The following CBLL1 variants were observed in gnomAD, a reference collection of about 807,000 sequenced individuals.
CBLL1 encodes E3 ubiquitin-protein ligase Hakai.
In CBLL1, 4 loss-of-function variants were observed where a neutral mutation model predicts 44.9. That is an observed-to-expected ratio of 0.09 (90% CI 0.04 to 0.20). CBLL1 has a LOEUF of 0.20. CBLL1 is among the 10% of genes least tolerant of loss of function. CBLL1 has a pLI of 1.00. For synonymous variants in CBLL1, 235 were observed against 202.2 expected, an observed-to-expected ratio of 1.16 and a Z score of -1.38; for missense variants, 569 against 636.7, an observed-to-expected ratio of 0.89 and a Z score of 1.14.
intron 4 of CBLL1, among the ~76,000 whole-genome samples, chr7:107,754,771 T>G (rs1371942111): frequency 6.6e-6 from 1 of 152,050 alleles, no homozygotes; most frequent in African/African-American, 2.4e-5. Context: ...TGGAATAGTT[T>G]CAGGAGAAAC....
chr7:107,761,337 A>T lies in CBLL1; in HGVS notation c.*2159A>T, dbSNP rs754666959. ...ACCCTTGTAGAGTTTTTAAAAAATG[A>T]TTTATTTTCAATTAGGTTTAAGAAA... On this transcript the variant is annotated 3_prime_UTR_variant, in exon 6 of 6. Coordinates refer to ENST00000440859, the MANE Select transcript of CBLL1 (RefSeq NM_024814.4). The T allele has an allele frequency of 1.3e-5, 2 of 152,304 alleles. No homozygotes were observed. The highest frequency in any genetic ancestry group is 1.9e-4 in the East Asian group (1 of 5,326). The allele number at this position is 152,304 out of a possible 1,614,324, so 9.4% of individuals were successfully genotyped here.
chr7:107,758,659 T>A lies in CBLL1; in HGVS notation c.957T>A (p.His319Gln). The A allele has an allele frequency of 3.7e-6, 6 of 1,613,942 alleles. No individual in the cohort carries two copies. Among genetic ancestry groups the A allele is most frequent in the Middle Eastern group, 1.7e-4 (1 of 6,060 alleles). ...CTGCCCCAGCACCTGCTCACCATCA[T>A]CCTGAATATCAGGGTCAACCAGTGG... ...PPPAPAPAHH[H>Q]PEYQGQPVVS... Residue 319 changes from histidine (H) to glutamine (Q), a missense_variant, in exon 6 of 6, where the codon CAT (histidine) becomes CAA (glutamine). Coordinates refer to ENST00000440859, the MANE Select transcript of CBLL1 (RefSeq NM_024814.4). This position sits in a 1 kb window ranked among gnomAD's most constrained non-coding sequence, Gnocchi z 4.2.
chr7:107,759,366 C>T lies in CBLL1; in HGVS notation c.*188C>T. On this transcript the variant is annotated 3_prime_UTR_variant, in exon 6 of 6. Transcript: ENST00000440859. ...TGATTTCAAGTACCATACTGTAGTA[C>T]AGATAAGTGGCTCAGTTGAGCACAG... 3 of 526,104 alleles carry T rather than the reference C, an allele frequency of 5.7e-6. No individual in the cohort carries two copies. Among genetic ancestry groups the T allele is most frequent in the Middle Eastern group, 4.9e-4 (1 of 2,036 alleles). The allele number at this position is 526,104 out of a possible 1,614,324, so 32.6% of individuals were successfully genotyped here.
Position 107,759,065 on chromosome 7 carries a change from C to G in CBLL1, c.1363C>G (p.Pro455Ala), listed in dbSNP as rs770645015. 2 of 1,613,836 alleles carry G rather than the reference C, an allele frequency of 1.2e-6. No individual in the cohort carries two copies. The highest frequency in any genetic ancestry group is 1.7e-6 in the Non-Finnish European group (2 of 1,179,976). The change falls in exon 6 of 6, where the codon CCT becomes GCT. Residue 455 changes from proline to alanine, a missense_variant. Transcript: ENST00000440859. ...AGGGGGAATGAGTCCTGGTATATGG[C>G]CTGCACCAAGAGGGCCACCACCACC... ...QPGGMSPGIW[P>A]APRGPPPPPR... is the part of the protein sequence containing the mutation.
chr7:107,753,552 A>G (rs1417584389), intron 3 of CBLL1, 41 bp downstream of exon 3: 6 of 1,142,938 alleles, frequency 5.2e-6, no homozygotes, highest in Non-Finnish European at 7.4e-6. Flanking sequence ...ACAATAAAAT[A>G]TTTTAAGTAT....
At chr7:107,749,720 A>T (rs983710632) in intron 2 of CBLL1, among the ~76,000 whole-genome samples, 4 of 151,994 alleles carry the variant, frequency 2.6e-5, no homozygotes, top group Non-Finnish European at 5.9e-5. Context: ...TAAAAAAATA[A>T]TAATAAAAAG....
rs767799242 is a variant in CBLL1 at position 107,758,121 on chromosome 7, A to G, written c.441-22A>G. The G allele has an allele frequency of 2.6e-6, 4 of 1,540,788 alleles. No individual in the cohort carries two copies. Among genetic ancestry groups the G allele is most frequent in the African/African-American group, 2.8e-5 (2 of 71,930 alleles). On this transcript the variant is annotated intron_variant, in intron 5 of 5. Coordinates refer to ENST00000440859, the MANE Select transcript of CBLL1 (RefSeq NM_024814.4). The surrounding 1 kb of genome is among the most constrained non-coding windows in gnomAD (Gnocchi z 4.2). ...TTTGTATTCTCTTTTAGTAAATCACATTTCTTTCCCTTCTAATTTAGCTGT... is the reference window on the plus strand; with the variant it reads ...TTTGTATTCTCTTTTAGTAAATCACGTTTCTTTCCCTTCTAATTTAGCTGT...
chr7:107,752,593 A>G, intron 2 of CBLL1: 2 of 1,288,860 alleles, frequency 1.6e-6, no homozygotes, highest in Non-Finnish European at 2.0e-6. Context: ...GGAGGGATAT[A>G]TTTGTCTGCT....
intron 2 of CBLL1, among the ~76,000 whole-genome samples, chr7:107,751,938 G>A (rs370235416): frequency 1.3e-5 from 2 of 152,114 alleles, no homozygotes; most frequent in African/African-American, 4.8e-5. Context: ...GGTGGCTCAC[G>A]CCTGTTTTCC....
chr7:107,757,498 C>G (rs192221430), intron 5 of CBLL1, among the ~76,000 whole-genome samples: 2 of 152,230 alleles, frequency 1.3e-5, no homozygotes, highest in East Asian at 3.9e-4. Context: ...AATTTTGACC[C>G]TGAGTTTTTA....
At chr7:107,747,329 G>A (rs986004808) in intron 1 of CBLL1, among the ~76,000 whole-genome samples, 1 of 152,084 alleles carries the variant, frequency 6.6e-6, no homozygotes, top group Non-Finnish European at 1.5e-5. Context: ...TATTCACAAA[G>A]GTAAAACGAT....
chr7:107,744,384 C>G, intron 1 of CBLL1: 1 of 546,826 alleles, frequency 1.8e-6, no homozygotes, highest in South Asian at 2.9e-5. Context: ...TCCTCCGTGC[C>G]GGCAACAACC....
chr7:107,755,491 G>T lies in CBLL1; in HGVS notation c.440G>T (p.Gly147Val). Residue 147 changes from glycine to valine, a missense_variant and splice_region_variant, in exon 5 of 6, where the codon GGC (glycine) becomes GTC (valine). Transcript: ENST00000440859. ...HEKKGDKMCP[G>V]CSDPVQRIEQ... ...AAAAAGGGAGATAAGATGTGTCCAG[G>T]GTAAGATAAGATTATCATTACCTTT... 6.6e-7 allele frequency: 1 copy of T among 1,520,932 alleles called. No homozygotes were observed. The highest frequency in any genetic ancestry group is 8.9e-7 in the Non-Finnish European group (1 of 1,118,512). The allele number at this position is 1,520,932 out of a possible 1,614,324, so 94.2% of individuals were successfully genotyped here.
rs1021475494 is a variant in CBLL1 at position 107,758,050 on chromosome 7, C to T, written c.441-93C>T. The T allele has an allele frequency of 9.7e-6, 11 of 1,130,722 alleles. No individual in the cohort carries two copies. Among genetic ancestry groups the T allele is most frequent in the Non-Finnish European group, 1.4e-5 (11 of 808,738 alleles). 70.0% of individuals were successfully genotyped at this position (1,130,722 alleles called of 1,614,324 possible). On this transcript the variant is annotated intron_variant, in intron 5 of 5. Coordinates refer to ENST00000440859, the MANE Select transcript of CBLL1 (RefSeq NM_024814.4). This position sits in a 1 kb window ranked among gnomAD's most constrained non-coding sequence, Gnocchi z 4.2. ...TGGACTTTTGCTATGTTTTATGTAA[C>T]AGTCAAATTTTAAAAACAAGCATAT...
Position 107,759,208 on chromosome 7 carries a change from G to T in CBLL1, c.*30G>T. 1 of 1,533,978 alleles carries T rather than the reference G, an allele frequency of 6.5e-7. No individual in the cohort carries two copies. On this transcript the variant is annotated 3_prime_UTR_variant, in exon 6 of 6. Transcript: ENST00000440859. ...AGTATTTTGAATGGAAGATATGAGG[G>T]GGAAAAAAACTTATGTGTAGTCAAT...
intron 1 of CBLL1, among the ~76,000 whole-genome samples, chr7:107,746,444 A>G (rs972553875): frequency 3.3e-5 from 5 of 152,214 alleles, no homozygotes; most frequent in African/African-American, 9.7e-5. Flanking sequence ...TTTGATGTTT[A>G]GTATCAGAAG....
rs1793425792 is a variant in CBLL1, at chr7:107,754,064, A to G, written c.366+86A>G. The G allele has an allele frequency of 3.9e-6, 3 of 764,720 alleles. No individual in the cohort carries two copies. The South Asian group carries it at 8.4e-5, about 21-fold the overall frequency. The allele number at this position is 764,720 out of a possible 1,614,324, so 47.4% of individuals were successfully genotyped here. A position where few individuals can be genotyped will look rare whatever the true frequency, so the allele number is the denominator to read the frequency against. ...ATTTAGATAGGTTTATCATTGTTTA[A>G]TGACTAAGTTTGCAAAATTTTAAAT... On this transcript the variant is annotated intron_variant, in intron 4 of 5. Transcript: ENST00000440859.
chr7:107,753,454 G>GGGT lies in CBLL1; in HGVS notation c.227_229dup (p.Gly76dup). The GGGT allele has an allele frequency of 6.3e-7, 1 of 1,591,968 alleles. No homozygotes were observed. The highest frequency in any genetic ancestry group is 8.5e-7 in the Non-Finnish European group (1 of 1,171,840). ...AAGAAGAACGGTATGACTGTAAAGG[G>GGGT]GGTGAGCTGTTTGCAAATCAGCGAA... On this transcript the variant is annotated inframe_insertion, in exon 3 of 6. Coordinates refer to ENST00000440859, the MANE Select transcript of CBLL1 (RefSeq NM_024814.4).
chr7:107,756,167 G>A (rs1337365779), intron 5 of CBLL1, among the ~76,000 whole-genome samples: 2 of 152,120 alleles, frequency 1.3e-5, no homozygotes, highest in African/African-American at 2.4e-5. Context: ...GTTCAGAATC[G>A]TTGATAAGGA....
Sources: allele counts gnomAD v4.1 joint callset (sites outside exome capture counted in the v4.1 genomes callset), GRCh38; gene constraint gnomAD v4.1.1; non-coding constraint Gnocchi (gnomAD v3.1); transcripts MANE v1.5; gene names NCBI Gene and HGNC (gene_info 2026-07-23, HGNC 2026-07-21).